Variants in NCALD observed in about 807,000 individuals in gnomAD.
The protein encoded by NCALD is neurocalcin-delta.
In NCALD, 10 loss-of-function variants were observed where a neutral mutation model predicts 18.6. The ratio of observed to expected loss-of-function variants is 0.54; its 90% confidence interval spans 0.33 to 0.91. The LOEUF is 0.91. NCALD is among the 40% of genes least tolerant of loss of function. NCALD has a pLI of 0.03. For synonymous variants in NCALD, 88 were observed against 87.4 expected, an observed-to-expected ratio of 1.01 and a Z score of -0.04; for missense variants, 184 against 247.6, an observed-to-expected ratio of 0.74 and a Z score of 1.72.
chr8:101,841,508 A>G (rs1374919305), intron 4 of NCALD, among the ~76,000 whole-genome samples: 1 of 151,794 alleles, frequency 6.6e-6, no homozygotes, highest in Non-Finnish European at 1.5e-5. Flanking sequence ...GCCAATAGCA[A>G]CTCCCCTCTT....
chr8:101,937,238 T>C (rs751912039), intron 2 of NCALD, among the ~76,000 whole-genome samples: 2 of 152,058 alleles, frequency 1.3e-5, no homozygotes, highest in Non-Finnish European at 2.9e-5. Flanking sequence ...GTTTGTTATA[T>C]AGGTAAACTC....
At chr8:101,690,777 C>T (rs1303140171) in intron 3 of NCALD, 2 of 985,300 alleles carry the variant, frequency 2.0e-6, no homozygotes, top group Non-Finnish European at 2.4e-6. Context: ...CCAGCCCTGC[C>T]CACATAGTAG....
intron 3 of NCALD, among the ~76,000 whole-genome samples, chr8:101,907,029 T>G (rs1817632684): frequency 6.6e-6 from 1 of 152,264 alleles, no homozygotes; most frequent in Non-Finnish European, 1.5e-5. Flanking sequence ...CCAGTGTGAC[T>G]CTGCACAGCA....
At chr8:101,989,070 A>G (rs10089091) in intron 2 of NCALD, among the ~76,000 whole-genome samples, 33,649 of 152,094 alleles carry the variant, frequency 0.22, 5,184 homozygotes, top group African/African-American at 0.43. Flanking sequence ...AATAAAGATC[A>G]AAATTAAATA....
At chr8:101,842,775 G>A (rs1251964688) in intron 4 of NCALD, among the ~76,000 whole-genome samples, 1 of 152,208 alleles carries the variant, frequency 6.6e-6, no homozygotes, top group Non-Finnish European at 1.5e-5. Context: ...ATCTGGCAGA[G>A]CAAATATCTG....
chr8:102,032,642 A>AC (rs1822718948), intron 1 of NCALD, among the ~76,000 whole-genome samples: 1 of 150,906 alleles, frequency 6.6e-6, no homozygotes. Context: ...AAAAAAAAAA[A>AC]GAGGACTGAG....
At chr8:101,714,413 T>A (rs1049108615) in intron 2 of NCALD, among the ~76,000 whole-genome samples, 5 of 151,886 alleles carry the variant, frequency 3.3e-5, no homozygotes, top group African/African-American at 1.2e-4. Flanking sequence ...GAGAATAAAA[T>A]ACCTAGGAAT....
chr8:102,122,545 G>A (rs947810433), intron 1 of NCALD, among the ~76,000 whole-genome samples: 3 of 152,166 alleles, frequency 2.0e-5, no homozygotes, highest in Non-Finnish European at 2.9e-5. Flanking sequence ...TGAGAGAAGA[G>A]GGCGTATAGC....
intron 3 of NCALD, chr8:101,692,105 T>C: frequency 1.0e-6 from 1 of 979,190 alleles, no homozygotes; most frequent in Non-Finnish European, 1.2e-6. Flanking sequence ...GCTGTTTATC[T>C]GAAATTCCAG....
chr8:101,796,186 G>C (rs972431334), intron 4 of NCALD, among the ~76,000 whole-genome samples: 4 of 152,170 alleles, frequency 2.6e-5, no homozygotes, highest in Admixed American at 2.6e-4. Flanking sequence ...TCTCTAATTG[G>C]ATCAAGATAA....
intron 1 of NCALD, among the ~76,000 whole-genome samples, chr8:102,026,749 C>T (rs767583707): frequency 6.6e-6 from 1 of 152,154 alleles, no homozygotes; most frequent in Non-Finnish European, 1.5e-5. Flanking sequence ...AGGCTCTGAC[C>T]CCACATTTCC....
chr8:101,803,222 T>C (rs1812936000), intron 4 of NCALD, among the ~76,000 whole-genome samples: 1 of 152,210 alleles, frequency 6.6e-6, no homozygotes, highest in Admixed American at 6.5e-5. Context: ...AGAATTATGC[T>C]AAGTCTACTC....
At chr8:101,741,786 A>G (rs2130699045) in intron 1 of NCALD, among the ~76,000 whole-genome samples, 1 of 147,436 alleles carries the variant, frequency 6.8e-6, no homozygotes, top group East Asian at 2.0e-4. Flanking sequence ...AAAAAAAAAA[A>G]ATTAACCAAG....
chr8:101,798,858 T>C (rs1734013138), intron 4 of NCALD, among the ~76,000 whole-genome samples: 1 of 152,194 alleles, frequency 6.6e-6, no homozygotes, highest in Non-Finnish European at 1.5e-5. Context: ...ACCACATAAA[T>C]ATGACCAATG....
chr8:101,862,359 G>A (rs1455981432), intron 4 of NCALD, among the ~76,000 whole-genome samples: 1 of 152,178 alleles, frequency 6.6e-6, no homozygotes, highest in African/African-American at 2.4e-5. Flanking sequence ...CCTCAACCAA[G>A]TTTGAGGCCA....
At chr8:101,998,924 C>T (rs1821336902) in intron 2 of NCALD, among the ~76,000 whole-genome samples, 1 of 152,074 alleles carries the variant, frequency 6.6e-6, no homozygotes, top group Non-Finnish European at 1.5e-5. Context: ...AAACAAACTT[C>T]CACTAGCCTT....
chr8:101,778,286 G>A (rs1031086938), intron 1 of NCALD, among the ~76,000 whole-genome samples: 3 of 152,130 alleles, frequency 2.0e-5, no homozygotes, highest in African/African-American at 7.2e-5. Context: ...ACCTCTACTA[G>A]TCAGCACAGT....
intron 2 of NCALD, among the ~76,000 whole-genome samples, chr8:101,949,338 G>C (rs1191670382): frequency 1.3e-5 from 2 of 151,972 alleles, no homozygotes; most frequent in African/African-American, 4.8e-5. Flanking sequence ...AGGTTCACTA[G>C]TCGTCACAGG....
At chr8:102,065,058 CTA>C (rs1181725799) in intron 1 of NCALD, among the ~76,000 whole-genome samples, 2 of 146,542 alleles carry the variant, frequency 1.4e-5, no homozygotes, top group Admixed American at 1.4e-4. Context: ...GCAATGGACT[CTA>C]CAGCACAGGA....
Sources: allele counts gnomAD v4.1 joint callset (sites outside exome capture counted in the v4.1 genomes callset), GRCh38; gene constraint gnomAD v4.1.1; transcripts MANE v1.5; gene names NCBI Gene and HGNC (gene_info 2026-07-23, HGNC 2026-07-21).